CMIP: variants seen among roughly 807,000 people sequenced by gnomAD.
The protein encoded by CMIP is C-Maf-inducing protein.
CMIP carries 13 observed loss-of-function variants against 97.3 expected under a neutral mutation model. The ratio of observed to expected loss-of-function variants is 0.13; its 90% CI spans 0.09 to 0.21. CMIP has a LOEUF of 0.21. Ranked by LOEUF, CMIP falls within the 10% of genes least tolerant of loss-of-function variation. The pLI, the probability that CMIP is intolerant of heterozygous loss-of-function variation, is 1.00. For missense variants in CMIP, 847 were observed against 1,024.9 expected, an observed-to-expected ratio of 0.83 and a Z score of 2.37; for synonymous variants, 538 against 436.3, an observed-to-expected ratio of 1.23 and a Z score of -2.91.
chr16:81,484,277 C>T lies in CMIP; in HGVS notation c.300+38736C>T, dbSNP rs188671438. ...AGGCCACAGCAGCTGGGTGGAGTTC[C>T]ACTTGCCAGCTCGAGGAAGAGTTCT... is the stretch of plus-strand genomic sequence containing the variant. On this transcript the variant is annotated intron_variant, in intron 1 of 20. Coordinates refer to ENST00000537098, the MANE Select transcript of CMIP (RefSeq NM_198390.3). 1.5e-4 allele frequency among the ~76,000 whole-genome samples: 23 copies of T among 152,314 alleles called. No individual in the cohort carries two copies. The East Asian group carries it at 4.4e-3, about 29-fold the overall frequency.
In CMIP at chr16:81,613,867, C is replaced by G. The variant is rs540734867; in HGVS notation, c.426+6175C>G. On this transcript the variant is annotated intron_variant, in intron 2 of 20. Transcript: ENST00000537098. ...TTTTTCCATCCATCCATGTCTCCAT[C>G]TATCCAATTCATTCATTCATTCAAC... 1.2e-4 allele frequency among the ~76,000 whole-genome samples: 18 copies of G among 152,336 alleles called. No homozygotes were observed. In the South Asian group the frequency reaches 3.7e-3, roughly 32 times the overall value.
In CMIP at chr16:81,445,158, G is replaced by GCCGCCGGATCCGGGGGCC. The variant is rs1307245473; in HGVS notation, c.-77_-60dup. ...CTTCCCGGGGGGTGGGGGGGTGCGG[G>GCCGCCGGATCCGGGGGCC]CCGCCGGATCCGGGGGCCCCGCCGC... On this transcript the variant is annotated 5_prime_UTR_variant, in exon 1 of 21. Transcript: ENST00000537098. 3.7e-6 allele frequency: 3 copies of GCCGCCGGATCCGGGGGCC among 816,268 alleles called. No individual in the cohort carries two copies. Among genetic ancestry groups the GCCGCCGGATCCGGGGGCC allele is most frequent in the Non-Finnish European group, 5.1e-6 (3 of 584,208 alleles). 50.6% of individuals were successfully genotyped at this position (816,268 alleles called of 1,614,324 possible). A position where few individuals can be genotyped will look rare whatever the true frequency, so the allele number is the denominator to read the frequency against.
chr16:81,622,742 G>T (rs1295737837), intron 3 of CMIP, among the ~76,000 whole-genome samples: 16 of 152,136 alleles, frequency 1.1e-4, no homozygotes. Context: ...GCCTTTCCCT[G>T]GTCCACATTT....
At position 81,627,352 on chromosome 16, in the gene CMIP, G is replaced by A. The variant is rs764372247; in HGVS notation, c.477+6426G>A. Reference sequence around the variant, plus strand: ...GATCATGGCGTCTCGTCACTGGGCCGTGTGAGGATCGAAGGCTGTGTTGTT... The same window carrying A: ...GATCATGGCGTCTCGTCACTGGGCCATGTGAGGATCGAAGGCTGTGTTGTT... On this transcript the variant is annotated intron_variant, in intron 3 of 20. Coordinates refer to ENST00000537098, the MANE Select transcript of CMIP (RefSeq NM_198390.3). This position sits in a 1 kb window ranked among gnomAD's most constrained non-coding sequence, Gnocchi z 4.6. 9.2e-5 allele frequency among the ~76,000 whole-genome samples: 14 copies of A among 152,014 alleles called. No individual in the cohort carries two copies. Among genetic ancestry groups the A allele is most frequent in the African/African-American group, 3.1e-4 (13 of 41,338 alleles).
At chr16:81,445,650 G>C in intron 1 of CMIP, 109 bp downstream of exon 1, 1 of 1,181,994 alleles carries the variant, frequency 8.5e-7, no homozygotes, top group Non-Finnish European at 1.2e-6. Context: ...GGGGGGCGGT[G>C]GGGGGTGCCG....
chr16:81,454,372 G>A (rs1326843395), intron 1 of CMIP, among the ~76,000 whole-genome samples: 2 of 152,236 alleles, frequency 1.3e-5, no homozygotes, highest in Non-Finnish European at 2.9e-5. Context: ...CCGTGTCTGT[G>A]TGGGTCCATC....
At chr16:81,588,423 C>T (rs913313960) in intron 1 of CMIP, among the ~76,000 whole-genome samples, 14 of 152,216 alleles carry the variant, frequency 9.2e-5, no homozygotes, top group Admixed American at 2.6e-4. Context: ...TCTGGAGCCA[C>T]GCTTGTCAGG....
At chr16:81,637,973 G>A (rs981261251) in intron 3 of CMIP, among the ~76,000 whole-genome samples, 13 of 152,166 alleles carry the variant, frequency 8.5e-5, no homozygotes, top group Non-Finnish European at 1.6e-4. Context: ...GATCCCATTG[G>A]TGAGGGCTCC....
At chr16:81,705,382 G>A in intron 18 of CMIP, 117 bp from the exon 19 acceptor site, 1 of 701,736 alleles carries the variant, frequency 1.4e-6, no homozygotes, top group South Asian at 1.9e-5. Context: ...GGCTTGGTGG[G>A]CCATGGGCCT....
At position 81,460,980 on chromosome 16, in the gene CMIP, G is replaced by T. The variant is rs543255663; in HGVS notation, c.300+15439G>T. On this transcript the variant is annotated intron_variant, in intron 1 of 20. Transcript: ENST00000537098. ...CAATGATGAAGGAAACTGAGGCTTAGAGAGTTGGAGTAATCTGTGAAGGCT... is the reference window on the plus strand; with the variant it reads ...CAATGATGAAGGAAACTGAGGCTTATAGAGTTGGAGTAATCTGTGAAGGCT... Among the ~76,000 whole-genome samples the T allele has an allele frequency of 2.0e-5, 3 of 152,346 alleles. No individual in the cohort carries two copies. The South Asian group carries it at 6.2e-4, about 32-fold the overall frequency.
At chr16:81,566,629 A>T (rs1450331298) in intron 1 of CMIP, among the ~76,000 whole-genome samples, 2 of 152,176 alleles carry the variant, frequency 1.3e-5, no homozygotes, top group Non-Finnish European at 2.9e-5. Flanking sequence ...TTCTCCTAGG[A>T]CCCAATGATT....
At chr16:81,527,493 C>G (rs181318816) in intron 1 of CMIP, among the ~76,000 whole-genome samples, 1 of 152,216 alleles carries the variant, frequency 6.6e-6, no homozygotes, top group African/African-American at 2.4e-5. Context: ...AGTACACAAC[C>G]AAATGAACAG....
At chr16:81,500,430 C>CCT (rs1225346969) in intron 1 of CMIP, among the ~76,000 whole-genome samples, 1 of 125,924 alleles carries the variant, frequency 7.9e-6, no homozygotes, top group Non-Finnish European at 1.7e-5. Context: ...CCCCTCCCTC[C>CCT]CTCTCTCTCT....
intron 2 of CMIP, among the ~76,000 whole-genome samples, chr16:81,612,257 C>T (rs545909218): frequency 1.1e-3 from 170 of 152,284 alleles, no homozygotes; most frequent in Non-Finnish European, 1.8e-3. Flanking sequence ...TTAGACAGAG[C>T]CGCTGCTCCA....
At chr16:81,535,569 C>G (rs868115115) in intron 1 of CMIP, among the ~76,000 whole-genome samples, 3 of 150,956 alleles carry the variant, frequency 2.0e-5, no homozygotes, top group African/African-American at 7.3e-5. Flanking sequence ...AGATCAGACA[C>G]GTGAATTTTG....
chr16:81,610,464 AG>A, intron 2 of CMIP: 4 of 986,230 alleles, frequency 4.1e-6, no homozygotes, highest in Non-Finnish European at 4.8e-6. Flanking sequence ...GCAACTCCTC[AG>A]ATCCAGAGCC....
At chr16:81,602,853 G>A (rs1029887320) in intron 1 of CMIP, among the ~76,000 whole-genome samples, 2 of 152,120 alleles carry the variant, frequency 1.3e-5, no homozygotes, top group African/African-American at 2.4e-5. Context: ...CTGGAGCTCC[G>A]GTCGTCATGT....
intron 1 of CMIP, among the ~76,000 whole-genome samples, chr16:81,604,730 T>G (rs550803750): frequency 3.5e-4 from 54 of 152,136 alleles, no homozygotes; most frequent in Non-Finnish European, 6.9e-4. Context: ...ACAGTATGTA[T>G]TTATTTATAC....
intron 1 of CMIP, among the ~76,000 whole-genome samples, chr16:81,594,597 C>G (rs1456004038): frequency 1.3e-5 from 2 of 151,878 alleles, no homozygotes; most frequent in Non-Finnish European, 2.9e-5. Context: ...CATATATATA[C>G]CTATGATAAA....
Sources: gnomAD v4.1 joint callset for allele counts (sites outside exome capture counted in the v4.1 genomes callset) on GRCh38, gnomAD v4.1.1 for gene constraint, Gnocchi (gnomAD v3.1) non-coding constraint, MANE v1.5 for transcripts, NCBI Gene and HGNC (gene_info 2026-07-23, HGNC 2026-07-21) for gene names.